Variants in TRIM2 observed in about 807,000 individuals in gnomAD.
TRIM2 encodes tripartite motif containing 2, also known as tripartite motif-containing protein 2.
TRIM2 carries 20 observed loss-of-function variants against 75.2 expected under a neutral mutation model. The ratio of observed to expected loss-of-function variants is 0.27; its 90% CI spans 0.19 to 0.39. The LOEUF (loss-of-function observed/expected upper bound fraction) is 0.39, where lower values mean the gene tolerates loss of function less well. TRIM2 is among the 10% of genes least tolerant of loss of function. TRIM2 has a pLI of 1.00. For missense variants in TRIM2, 660 were observed against 990.8 expected (o/e 0.67, Z 4.48); for synonymous variants, 373 against 388.3 (o/e 0.96, Z 0.46).
upstream of TRIM2, among the ~76,000 whole-genome samples, chr4:153,203,429 A>G (rs1734652545): frequency 6.7e-6 from 1 of 150,168 alleles, no homozygotes; most frequent in Non-Finnish European, 1.5e-5. Context: ...ACACACACAC[A>G]CACGAAGAAG....
chr4:153,161,039 T>G (rs971223813), intron 1 of TRIM2, among the ~76,000 whole-genome samples: 1 of 152,224 alleles, frequency 6.6e-6, no homozygotes, highest in Non-Finnish European at 1.5e-5. Context: ...AGACTAGGCA[T>G]GCTCATCTTG....
In TRIM2 at chr4:153,322,581, C is replaced by T. The variant is rs191772712; in HGVS notation, c.1783-67C>T. 3.9e-6 allele frequency: 6 copies of T among 1,532,072 alleles called. No homozygotes were observed. The East Asian group carries it at 1.1e-4, about 29-fold the overall frequency. The allele number at this position is 1,532,072 out of a possible 1,614,324, so 94.9% of individuals were successfully genotyped here. On this transcript the variant is annotated intron_variant, in intron 8 of 11. Coordinates refer to ENST00000338700, the MANE Select transcript of TRIM2 (RefSeq NM_015271.5). ...TGTTGACCAAAACAGTGTTTATCTT[C>T]ATGTTCTGTAGTGGTTTAAACTTTG...
intron 1 of TRIM2, among the ~76,000 whole-genome samples, chr4:153,268,745 C>A (rs551729102): frequency 6.6e-6 from 1 of 152,134 alleles, no homozygotes; most frequent in Non-Finnish European, 1.5e-5. Flanking sequence ...CTCTTGTGCT[C>A]TCAAACTCTT....
At chr4:153,239,444 C>T (rs1054646394) in intron 1 of TRIM2, among the ~76,000 whole-genome samples, 1 of 149,606 alleles carries the variant, frequency 6.7e-6, no homozygotes, top group Non-Finnish European at 1.5e-5. Flanking sequence ...TCTCTCTCTG[C>T]CTTTCTGTTA....
At chr4:153,197,188 T>C (rs1405213254) in intron 1 of TRIM2, among the ~76,000 whole-genome samples, 3 of 152,210 alleles carry the variant, frequency 2.0e-5, no homozygotes, top group Non-Finnish European at 2.9e-5. Context: ...ATAATAAATA[T>C]GGAGCTTCCA....
intron 1 of TRIM2, among the ~76,000 whole-genome samples, chr4:153,263,768 GC>G (rs1018818082): frequency 3.9e-5 from 6 of 152,186 alleles, no homozygotes; most frequent in Non-Finnish European, 8.8e-5. Context: ...AGATCAGGGT[GC>G]CCCCATGGTG....
chr4:153,172,955 G>T (rs11099874), intron 1 of TRIM2, among the ~76,000 whole-genome samples: 1 of 151,508 alleles, frequency 6.6e-6, no homozygotes, highest in African/African-American at 2.4e-5. Context: ...CAACCCCAGG[G>T]GGTTGGGAAG....
Position 153,322,824 on chromosome 4 carries a change from C to T in TRIM2, c.1951+8C>T, listed in dbSNP as rs1219822069. On this transcript the variant is annotated splice_region_variant and intron_variant, in intron 9 of 11. Coordinates refer to ENST00000338700, the MANE Select transcript of TRIM2 (RefSeq NM_015271.5). ...GGGACAGGCAGTTTGCAGGTACACT[C>T]GATGGTAATATGTAAACCCCCTTTT... 3.7e-6 allele frequency: 6 copies of T among 1,614,036 alleles called. No homozygotes were observed. The highest frequency in any genetic ancestry group is 1.1e-5 in the South Asian group (1 of 91,070).
intron 3 of TRIM2, among the ~76,000 whole-genome samples, chr4:153,277,016 A>G (rs888704856): frequency 2.0e-5 from 3 of 152,240 alleles, no homozygotes; most frequent in Non-Finnish European, 4.4e-5. Flanking sequence ...AGTATTTGAA[A>G]CTGCTTAAAA....
At chr4:153,153,595 C>T (rs1291794946) in intron 1 of TRIM2, among the ~76,000 whole-genome samples, 1 of 152,234 alleles carries the variant, frequency 6.6e-6, no homozygotes, top group African/African-American at 2.4e-5. Flanking sequence ...CGTCCCGCCC[C>T]CGATCTTTCC....
In TRIM2 at chr4:153,336,909, G is replaced by A. The variant is rs1338894645; in HGVS notation, c.*1943G>A. On this transcript the variant is annotated 3_prime_UTR_variant, in exon 12 of 12. Transcript: ENST00000338700. ...AGCTATAAAATTCAATAACTTTTTA[G>A]AATGTTAAATGAAGACACTGTTTCC... The A allele has an allele frequency of 1.0e-6, 1 of 984,836 alleles. No homozygotes were observed. The highest frequency in any genetic ancestry group is 1.7e-5 in the African/African-American group (1 of 57,202). The allele number at this position is 984,836 out of a possible 1,614,324, so 61.0% of individuals were successfully genotyped here. A position where few individuals can be genotyped will look rare whatever the true frequency, so the allele number is the denominator to read the frequency against.
At chr4:153,178,266 C>T (rs890741063) in intron 1 of TRIM2, among the ~76,000 whole-genome samples, 6 of 152,056 alleles carry the variant, frequency 3.9e-5, no homozygotes, top group Admixed American at 2.0e-4. Context: ...CTGTAGGTTC[C>T]GTAACCTCCT....
intron 3 of TRIM2, among the ~76,000 whole-genome samples, chr4:153,285,384 G>A (rs1760370377): frequency 6.6e-6 from 1 of 152,048 alleles, no homozygotes; most frequent in South Asian, 2.1e-4. Context: ...CTCCAATTTT[G>A]TTCTTTTTCA....
intron 1 of TRIM2, among the ~76,000 whole-genome samples, chr4:153,163,955 A>T (rs1283954652): frequency 6.6e-6 from 1 of 152,096 alleles, no homozygotes; most frequent in Non-Finnish European, 1.5e-5. Flanking sequence ...AACTGTTATT[A>T]ATGATATTAG....
At chr4:153,233,940 G>A (rs180816259) in intron 1 of TRIM2, among the ~76,000 whole-genome samples, 6 of 152,236 alleles carry the variant, frequency 3.9e-5, no homozygotes, top group Non-Finnish European at 5.9e-5. Context: ...TACAGGCACC[G>A]GGCTGCTTTG....
At chr4:153,197,019 G>T (rs1229885439) in intron 1 of TRIM2, among the ~76,000 whole-genome samples, 1 of 152,194 alleles carries the variant, frequency 6.6e-6, no homozygotes, top group East Asian at 1.9e-4. Context: ...AATGTAGGAG[G>T]CTTATAGAAA....
chr4:153,236,919 C>T (rs1034199298), intron 1 of TRIM2, among the ~76,000 whole-genome samples: 1 of 152,140 alleles, frequency 6.6e-6, no homozygotes, highest in Non-Finnish European at 1.5e-5. Context: ...GTCTCAAACT[C>T]CTAGGCTTAA....
In TRIM2 at chr4:153,336,902, C is replaced by G. The variant is rs527630696; in HGVS notation, c.*1936C>G. The stretch of plus-strand genomic sequence containing the variant: ...GTGATAAAGCTATAAAATTCAATAA[C>G]TTTTTAGAATGTTAAATGAAGACAC... On this transcript the variant is annotated 3_prime_UTR_variant, in exon 12 of 12. Coordinates refer to ENST00000338700, the MANE Select transcript of TRIM2 (RefSeq NM_015271.5). 1.0e-6 allele frequency: 1 copy of G among 984,902 alleles called. No homozygotes were observed. The highest frequency in any genetic ancestry group is 1.2e-6 in the Non-Finnish European group (1 of 829,342). 61.0% of individuals were successfully genotyped at this position (984,902 alleles called of 1,614,324 possible). A position where few individuals can be genotyped will look rare whatever the true frequency, so the allele number is the denominator to read the frequency against.
rs1201310434 is a variant in TRIM2, at chr4:153,337,387, A to T, written c.*2421A>T. On this transcript the variant is annotated 3_prime_UTR_variant, in exon 12 of 12. Coordinates refer to ENST00000338700, the MANE Select transcript of TRIM2 (RefSeq NM_015271.5). ...TATCTCAATAGTAGACTGAATACAA[A>T]GCTAATTTTTTTTACATGTCAATAT... is the stretch of plus-strand genomic sequence containing the variant. 2 of 985,756 alleles carry T rather than the reference A, an allele frequency of 2.0e-6. No individual in the cohort carries two copies. The highest frequency in any genetic ancestry group is 2.4e-6 in the Non-Finnish European group (2 of 829,938). 61.1% of individuals were successfully genotyped at this position (985,756 alleles called of 1,614,324 possible). A position where few individuals can be genotyped will look rare whatever the true frequency, so the allele number is the denominator to read the frequency against.
Sources: gnomAD v4.1 joint callset for allele counts (sites outside exome capture counted in the v4.1 genomes callset) on GRCh38, gnomAD v4.1.1 for gene constraint, MANE v1.5 for transcripts, NCBI Gene and HGNC (gene_info 2026-07-23, HGNC 2026-07-21) for gene names.